Variants in RYR3 observed in about 807,000 individuals in gnomAD.
RYR3 encodes brain ryanodine receptor-calcium release channel.
Under a neutral mutation model 584.3 loss-of-function variants are expected in RYR3, and 207 were observed. The observed-to-expected ratio is 0.35, with a 90% CI of 0.32 to 0.40. The LOEUF is 0.40. RYR3 is among the 10% of genes least tolerant of loss of function. The pLI, the probability that RYR3 is intolerant of heterozygous loss-of-function variation, is 1.00. For missense variants in RYR3, 5,616 were observed against 6,089.2 expected (o/e 0.92, Z 2.59); for synonymous variants, 2,416 against 2,248.5 (o/e 1.07, Z -2.11).
intron 1 of RYR3, among the ~76,000 whole-genome samples, chr15:33,332,428 C>G (rs528973128): frequency 4.5e-4 from 68 of 152,054 alleles, no homozygotes; most frequent in African/African-American, 1.3e-3. Context: ...AAGCAATCAA[C>G]AAGGATATAA....
At chr15:33,543,407 C>G (rs1326846256) in intron 7 of RYR3, among the ~76,000 whole-genome samples, 1 of 152,162 alleles carries the variant, frequency 6.6e-6, no homozygotes, top group African/African-American at 2.4e-5. Context: ...TTGCTCACCT[C>G]TGAAGCCCTA....
chr15:33,453,248 T>A (rs991223645), intron 1 of RYR3, among the ~76,000 whole-genome samples: 10 of 146,224 alleles, frequency 6.8e-5, no homozygotes, highest in Non-Finnish European at 1.2e-4. Context: ...AGAAAAAAAA[T>A]AAACCTTAAT....
intron 43 of RYR3, among the ~76,000 whole-genome samples, chr15:33,717,084 C>G (rs773432712): frequency 3.9e-5 from 6 of 152,152 alleles, no homozygotes; most frequent in Non-Finnish European, 7.4e-5. Context: ...GACACATGGG[C>G]AAAATCTTAG....
At chr15:33,771,127 G>T (rs772228383) in intron 62 of RYR3, among the ~76,000 whole-genome samples, 10 of 152,182 alleles carry the variant, frequency 6.6e-5, no homozygotes, top group Non-Finnish European at 1.2e-4. Context: ...TCCAACCTAG[G>T]ACGTTTCCCG....
chr15:33,350,183 AG>A (rs1973056743), intron 1 of RYR3, among the ~76,000 whole-genome samples: 1 of 152,180 alleles, frequency 6.6e-6, no homozygotes. Flanking sequence ...ATAATGGTAA[AG>A]GGATCAATTC....
intron 32 of RYR3, among the ~76,000 whole-genome samples, chr15:33,658,162 G>A (rs1424412196): frequency 6.6e-6 from 1 of 152,212 alleles, no homozygotes; most frequent in East Asian, 1.9e-4. Context: ...GTCTCACAAG[G>A]ATATTGTTAA....
chr15:33,648,190 C>G lies in RYR3; in HGVS notation c.3978+730C>G, dbSNP rs545986946. Among the ~76,000 whole-genome samples, 4 of 152,278 alleles carry G rather than the reference C, an allele frequency of 2.6e-5. No homozygotes were observed. The East Asian group carries it at 7.7e-4, about 29-fold the overall frequency. ...TTAATCTCCATTTAAAATTAATCAG[C>G]AAGCCCTGAAATGGATAATATTATG... On this transcript the variant is annotated intron_variant, in intron 30 of 103. Coordinates refer to ENST00000634891, the MANE Select transcript of RYR3 (RefSeq NM_001036.6).
At chr15:33,680,496 G>T (rs115009118) in intron 38 of RYR3, among the ~76,000 whole-genome samples, 247 of 152,264 alleles carry the variant, frequency 1.6e-3, no homozygotes, top group African/African-American at 5.7e-3. Context: ...CTGCAGTTCT[G>T]GGCCTCATAT....
intron 1 of RYR3, among the ~76,000 whole-genome samples, chr15:33,391,658 C>T (rs1476898608): frequency 6.6e-6 from 1 of 151,698 alleles, no homozygotes; most frequent in East Asian, 1.9e-4. Context: ...ATTTGAAGGG[C>T]TGGACCAAAT....
At chr15:33,792,455 C>T (rs1403059107) in intron 67 of RYR3, among the ~76,000 whole-genome samples, 1 of 152,192 alleles carries the variant, frequency 6.6e-6, no homozygotes, top group East Asian at 1.9e-4. Flanking sequence ...TCCCTTCTCT[C>T]CCATCAGTCA....
chr15:33,349,928 C>A (rs911109526), intron 1 of RYR3, among the ~76,000 whole-genome samples: 15 of 151,986 alleles, frequency 9.9e-5, no homozygotes, highest in African/African-American at 3.6e-4. Context: ...ATGAACTTAT[C>A]ATTTTTTATG....
At chr15:33,837,161 G>A (rs927006654) in intron 88 of RYR3, among the ~76,000 whole-genome samples, 174 bp downstream of exon 88, 4 of 152,302 alleles carry the variant, frequency 2.6e-5, no homozygotes, top group Admixed American at 6.5e-5. Flanking sequence ...TCTGACGGAC[G>A]AAGCCTGAAA....
intron 49 of RYR3, 75 bp from the exon 50 acceptor site, chr15:33,738,375 T>C: frequency 6.9e-7 from 1 of 1,439,038 alleles, no homozygotes; most frequent in Non-Finnish European, 9.5e-7. Flanking sequence ...TACTTGATTC[T>C]CTCCTGCATG....
intron 48 of RYR3, among the ~76,000 whole-genome samples, chr15:33,732,305 G>A (rs528208616): frequency 2.6e-5 from 4 of 150,956 alleles, no homozygotes; most frequent in Non-Finnish European, 5.9e-5. Flanking sequence ...GGAGAATGGC[G>A]TGAACCTGGG....
intron 69 of RYR3, among the ~76,000 whole-genome samples, chr15:33,807,090 G>A (rs2076251648): frequency 6.6e-6 from 1 of 152,038 alleles, no homozygotes; most frequent in African/African-American, 2.4e-5. Context: ...TGCCCCTTAG[G>A]TCAGTTCTCC....
At chr15:33,796,579 TA>T (rs1202013766) in intron 67 of RYR3, among the ~76,000 whole-genome samples, 1 of 152,254 alleles carries the variant, frequency 6.6e-6, no homozygotes, top group Non-Finnish European at 1.5e-5. Flanking sequence ...GTTGTTGTTA[TA>T]AATTTAAGGG....
At chr15:33,756,436 G>A (rs1395377498) in intron 59 of RYR3, 63 bp downstream of exon 59, 1 of 1,171,918 alleles carries the variant, frequency 8.5e-7, no homozygotes, top group Non-Finnish European at 1.2e-6. Context: ...TTAGGAAACA[G>A]GTTAAGTGGA....
Position 33,585,999 on chromosome 15 carries a change from T to G in RYR3, c.1671T>G (p.Gly557=). The G allele has an allele frequency of 6.3e-7, 1 of 1,590,348 alleles. No homozygotes were observed. The highest frequency in any genetic ancestry group is 8.6e-7 in the Non-Finnish European group (1 of 1,158,350). Residue 557 remains glycine (G), a splice_region_variant and synonymous_variant, in exon 16 of 104, where the codon GGT becomes GGG. Coordinates refer to ENST00000634891, the MANE Select transcript of RYR3 (RefSeq NM_001036.6). ...TTGATGTTTGTGGCATTCATGTAGGTATCTTGGAAGTTTTGCACTGCATCT... is the reference window on the plus strand; with the variant it reads ...TTGATGTTTGTGGCATTCATGTAGGGATCTTGGAAGTTTTGCACTGCATCT... ...SKLDRLESSS[G]ILEVLHCILT...
At chr15:33,828,258 C>T (rs544925112) in intron 85 of RYR3, among the ~76,000 whole-genome samples, 1 of 152,300 alleles carries the variant, frequency 6.6e-6, no homozygotes, top group South Asian at 2.1e-4. Flanking sequence ...TCCTTCTCCT[C>T]AGGCCTTCCT....
Sources: allele counts gnomAD v4.1 joint callset (sites outside exome capture counted in the v4.1 genomes callset), GRCh38; gene constraint gnomAD v4.1.1; transcripts MANE v1.5; gene names NCBI Gene and HGNC (gene_info 2026-07-23, HGNC 2026-07-21).